Variants in MYOF observed in about 807,000 individuals in gnomAD.
The protein encoded by MYOF is fer-1-like 3, myoferlin.
In MYOF, 244 loss-of-function variants were observed where a neutral mutation model predicts 284.2. The observed-to-expected ratio is 0.86, with a 90% CI of 0.77 to 0.95. The LOEUF (loss-of-function observed/expected upper bound fraction) is 0.95. MYOF is among the 40% of genes least tolerant of loss of function. MYOF has a pLI of 0.00. For missense variants in MYOF, 2,496 were observed against 2,560.6 expected (o/e 0.97, Z 0.54); for synonymous variants, 904 against 919.7 (o/e 0.98, Z 0.31).
rs772639991 is a variant in MYOF at position 93,428,050 on chromosome 10, G to A, written c.346-1892C>T. 4.6e-5 allele frequency among the ~76,000 whole-genome samples: 7 copies of A among 151,858 alleles called. No individual in the cohort carries two copies. The South Asian group carries it at 1.2e-3, about 27-fold the overall frequency. The stretch of plus-strand genomic sequence containing the variant: ...AGAAGAGACAAACCTCAGAATAAAG[G>A]GAGTCCTTTGCAAATAAGGATGGCA... On this transcript the variant is annotated intron_variant, in intron 4 of 53. Transcript: ENST00000359263.
chr10:93,372,880 T>C (rs186510914), intron 24 of MYOF, 50 bp downstream of exon 24: 4 of 1,603,514 alleles, frequency 2.5e-6, no homozygotes, highest in Non-Finnish European at 3.4e-6. Context: ...TTCTCAGGAA[T>C]ACAGCTTTTG....
At chr10:93,392,829 A>G (rs1846763456) in intron 17 of MYOF, 88 bp downstream of exon 17, 1 of 1,289,906 alleles carries the variant, frequency 7.8e-7, no homozygotes, top group African/African-American at 1.5e-5. Context: ...AAATGTCAAA[A>G]AAAAGTTCTA....
intron 2 of MYOF, among the ~76,000 whole-genome samples, chr10:93,456,674 G>A (rs150717041): frequency 5.9e-4 from 90 of 152,268 alleles, no homozygotes; most frequent in African/African-American, 2.0e-3. Flanking sequence ...TTCCCTTGCC[G>A]CGCCACTGCT....
At chr10:93,417,973 A>AT (rs1848201708) in intron 5 of MYOF, among the ~76,000 whole-genome samples, 2 of 151,988 alleles carry the variant, frequency 1.3e-5, no homozygotes, top group Admixed American at 6.6e-5. Context: ...AACTATTTTT[A>AT]TTTTTTTGGA....
intron 3 of MYOF, among the ~76,000 whole-genome samples, chr10:93,435,033 G>C (rs202244445): frequency 6.6e-6 from 1 of 152,126 alleles, no homozygotes; most frequent in Non-Finnish European, 1.5e-5. Context: ...AAATCAAAAC[G>C]TAAAAACTAG....
In MYOF at chr10:93,408,879, C is replaced by G. The variant is rs1265483197; in HGVS notation, c.637G>C (p.Gly213Arg). The part of the protein sequence containing the change: ...VRVIEGRQLS[G>R]NNIRPVVKVH... ...TTGACCACAGGCCTTATGTTGTTAC[C>G]ACTTAACTGTCGGCCCTCAATCACT... The change falls in exon 7 of 54, where the codon GGT (glycine) becomes CGT (arginine). Residue 213 changes from glycine to arginine, a missense_variant. By Grantham distance (125) the Gly-to-Arg change is moderately radical (BLOSUM62 -2). Around this residue, in one of 3 missense-constraint regions of MYOF, gnomAD observed 2,436 missense variants for 2,480.7 expected, o/e 0.98. Transcript: ENST00000359263. 6.2e-7 allele frequency: 1 copy of G among 1,614,078 alleles called. No individual in the cohort carries two copies.
intron 3 of MYOF, among the ~76,000 whole-genome samples, chr10:93,443,116 G>A (rs1312435807): frequency 1.3e-5 from 2 of 152,162 alleles, no homozygotes; most frequent in Admixed American, 6.5e-5. Context: ...AGCTGAGATC[G>A]TGCCACTGCA....
chr10:93,307,702 G>A (rs1488249107), intron 53 of MYOF, among the ~76,000 whole-genome samples: 4 of 149,770 alleles, frequency 2.7e-5, no homozygotes, highest in Admixed American at 6.7e-5. Flanking sequence ...TCCAGTCACT[G>A]CAACCTTTGC....
In MYOF at chr10:93,351,530, C is replaced by T. The variant is rs1564640635; in HGVS notation, c.3705G>A (p.Val1235=). The T allele has an allele frequency of 1.2e-5, 19 of 1,614,184 alleles. No homozygotes were observed. Among genetic ancestry groups the T allele is most frequent in the Non-Finnish European group, 1.5e-5 (18 of 1,180,042 alleles). The stretch of plus-strand genomic sequence containing the variant: ...TGTCCATTTCTGAGTTCAGTTTCAC[C>T]ACAGGAGAGAAAATGCTTCGTCCTA... ...EFLGRSIFSP[V]VKLNSEMDIT... Residue 1235 remains valine (V), a synonymous_variant, in exon 34 of 54, where the codon GTG becomes GTA. Transcript: ENST00000359263.
intron 32 of MYOF, among the ~76,000 whole-genome samples, chr10:93,352,904 T>A (rs565980038): frequency 6.6e-6 from 1 of 152,342 alleles, no homozygotes; most frequent in South Asian, 2.1e-4. Context: ...ACCTTGAATC[T>A]GCTCAAATTT....
chr10:93,465,225 A>C (rs1285171123), intron 1 of MYOF, among the ~76,000 whole-genome samples: 4 of 152,240 alleles, frequency 2.6e-5, no homozygotes, highest in Non-Finnish European at 5.9e-5. Flanking sequence ...CGGTCGAAAG[A>C]GACAAAAAGC....
rs1345356194 is a variant in MYOF at position 93,397,256 on chromosome 10, ATT to A, written c.1323_1324del (p.Tyr443Ter). ...CGTATTTTCAACTCACCAGTCATAT[ATT>A]GTTAGTTTTATTTTTTCACACACTG... On this transcript the variant is annotated frameshift_variant, in exon 15 of 54. Transcript: ENST00000359263. LOFTEE classifies it high-confidence loss of function. 4 of 1,591,676 alleles carry A rather than the reference ATT, an allele frequency of 2.5e-6. No individual in the cohort carries two copies. In the African/African-American group the frequency reaches 4.0e-5, roughly 16 times the overall value.
At chr10:93,451,942 TA>T in intron 3 of MYOF, 107 bp downstream of exon 3, 1 of 837,766 alleles carries the variant, frequency 1.2e-6, no homozygotes, top group Non-Finnish European at 2.0e-6. Flanking sequence ...AAAGCACATT[TA>T]TATTGGAAGT....
At chr10:93,343,137 C>T (rs186297383) in intron 38 of MYOF, among the ~76,000 whole-genome samples, 4 of 152,202 alleles carry the variant, frequency 2.6e-5, no homozygotes, top group East Asian at 1.9e-4. Flanking sequence ...CATTAAAACA[C>T]GCTGTGAATG....
intron 1 of MYOF, among the ~76,000 whole-genome samples, chr10:93,465,176 T>C (rs559150374): frequency 9.9e-5 from 15 of 152,216 alleles, no homozygotes; most frequent in African/African-American, 3.6e-4. Flanking sequence ...TTATTAGAGG[T>C]CATACAGCTA....
At chr10:93,345,866 T>C (rs569663331) in intron 37 of MYOF, among the ~76,000 whole-genome samples, 1 of 152,288 alleles carries the variant, frequency 6.6e-6, no homozygotes, top group South Asian at 2.1e-4. Flanking sequence ...TACATAGAAT[T>C]GCTAGCCAGG....
chr10:93,351,961 C>A, intron 32 of MYOF, 115 bp from the exon 33 acceptor site: 1 of 940,694 alleles, frequency 1.1e-6, no homozygotes, highest in Non-Finnish European at 1.5e-6. Flanking sequence ...GCTCTGACCA[C>A]CTGCCTGGAG....
At chr10:93,321,255 T>C (rs1842827792) in intron 48 of MYOF, among the ~76,000 whole-genome samples, 1 of 152,166 alleles carries the variant, frequency 6.6e-6, no homozygotes, top group African/African-American at 2.4e-5. Flanking sequence ...TCTGTTACTC[T>C]GCCTCAAAGA....
intron 2 of MYOF, among the ~76,000 whole-genome samples, chr10:93,453,903 C>T (rs2056664569): frequency 6.6e-6 from 1 of 151,964 alleles, no homozygotes; most frequent in Non-Finnish European, 1.5e-5. Context: ...AAAAAAAGAG[C>T]CGGGCGCAGT....
Sources: gnomAD v4.1 joint callset for allele counts (sites outside exome capture counted in the v4.1 genomes callset) on GRCh38, gnomAD v4.1.1 for gene constraint, gnomAD v4.1.1 regional missense constraint, MANE v1.5 for transcripts, NCBI Gene and HGNC (gene_info 2026-07-23, HGNC 2026-07-21) for gene names.